STOML1: variants seen among roughly 807,000 people sequenced by gnomAD.
The protein encoded by STOML1 is stomatin like 1.
Under a neutral mutation model 35.7 loss-of-function variants are expected in STOML1, and 27 were observed. The ratio of observed to expected loss-of-function variants is 0.76; its 90% CI spans 0.56 to 1.04. STOML1 has a LOEUF of 1.04. Among genes scored for constraint, STOML1 ranks in the 50% least tolerant of loss-of-function variants. The probability of loss-of-function intolerance (pLI) is 0.00; values close to 1 mark genes in which losing one functional copy is unlikely to be tolerated. For missense variants in STOML1, 451 were observed against 527.1 expected (o/e 0.86, Z 1.41); for synonymous variants, 219 against 227.9 (o/e 0.96, Z 0.35).
In STOML1 at chr15:73,988,848, TG is replaced by T. The variant is rs766826484; in HGVS notation, c.391-47del. On this transcript the variant is annotated intron_variant, in intron 3 of 6. Transcript: ENST00000541638. The surrounding 1 kb of genome is among the most constrained non-coding windows in gnomAD (Gnocchi z 4.8). The stretch of plus-strand genomic sequence containing the variant: ...AGAGAGACACTCAAGGGGCTGGGGG[TG>T]CAGGGAGGTCAGGCCCACTGGGGCC... The T allele has an allele frequency of 1.1e-5, 18 of 1,586,088 alleles. No individual in the cohort carries two copies. In the Middle Eastern group the frequency reaches 5.2e-4, roughly 46 times the overall value.
Position 73,985,439 on chromosome 15 carries a change from G to A in STOML1, c.669C>T (p.Leu223=), listed in dbSNP as rs2069062075. 6 of 1,552,136 alleles carry A rather than the reference G, an allele frequency of 3.9e-6. No individual in the cohort carries two copies. The highest frequency in any genetic ancestry group is 2.5e-5 in the East Asian group (1 of 40,558). ...CAGCTGGGCTGTCCTGGGGCGGCTG[G>A]AGCACGGCCTCCACTGCCAGCTCCA... ...DRVELAVEAV[L]QPPQDSPAGP... Residue 223 remains leucine (L), a synonymous_variant, in exon 5 of 7, where the codon CTC becomes CTT. Transcript: ENST00000541638.
At chr15:73,992,426 C>T, upstream of STOML1, 2 of 465,142 alleles carry the variant, frequency 4.3e-6, no homozygotes, top group Non-Finnish European at 7.0e-6. Flanking sequence ...GACCGAACTG[C>T]AGCCCAGGGC....
At chr15:73,991,000 GATT>G in intron 1 of STOML1, 1 of 1,416,608 alleles carries the variant, frequency 7.1e-7, no homozygotes, top group South Asian at 1.6e-5. Flanking sequence ...TGAGGAATTA[GATT>G]ATTATTTTCT....
Position 73,980,434 on chromosome 15 carries a change from A to G in STOML1, c.*3503T>C, listed in dbSNP as rs2068948241. 6.6e-6 allele frequency: 1 copy of G among 152,246 alleles called. No homozygotes were observed. The highest frequency in any genetic ancestry group is 1.5e-5 in the Non-Finnish European group (1 of 68,044). 9.4% of individuals were successfully genotyped at this position (152,246 alleles called of 1,614,324 possible). A position where few individuals can be genotyped will look rare whatever the true frequency, so the allele number is the denominator to read the frequency against. ...AATTTATGATACATCCATACTGTGG[A>G]ATCCTATGTAAGTACAAGAAAGCAC... On this transcript the variant is annotated 3_prime_UTR_variant, in exon 7 of 7. Transcript: ENST00000541638.
chr15:73,988,864 C>G lies in STOML1; in HGVS notation c.391-62G>C. 6.4e-7 allele frequency: 1 copy of G among 1,565,510 alleles called. No individual in the cohort carries two copies. The highest frequency in any genetic ancestry group is 1.4e-5 in the African/African-American group (1 of 73,966). Reference sequence around the variant, plus strand: ...GGCTGGGGGTGCAGGGAGGTCAGGCCCACTGGGGCCACCCAGCTTGAACCA... The same window carrying G: ...GGCTGGGGGTGCAGGGAGGTCAGGCGCACTGGGGCCACCCAGCTTGAACCA... On this transcript the variant is annotated intron_variant, in intron 3 of 6. Coordinates refer to ENST00000541638, the MANE Select transcript of STOML1 (RefSeq NM_004809.5). This position sits in a 1 kb window ranked among gnomAD's most constrained non-coding sequence, Gnocchi z 4.8.
intron 1 of STOML1, 64 bp from the exon 2 acceptor site, chr15:73,990,521 G>C: frequency 6.8e-7 from 1 of 1,476,942 alleles, no homozygotes; most frequent in Non-Finnish European, 9.3e-7. Context: ...GAGTGAACTT[G>C]GGCAAGTGTA....
chr15:73,984,965 G>T, intron 5 of STOML1, 94 bp from the exon 6 acceptor site: 1 of 1,436,370 alleles, frequency 7.0e-7, no homozygotes, highest in Non-Finnish European at 9.6e-7. Context: ...TGCACCTTTT[G>T]TGGCAGTTTC....
rs2069062173 is a variant in STOML1, at chr15:73,985,440, A to G, written c.668T>C (p.Leu223Pro). The change falls in exon 5 of 7, where the codon CTC (leucine) becomes CCC (proline). Residue 223 changes from leucine to proline, a missense_variant. Coordinates refer to ENST00000541638, the MANE Select transcript of STOML1 (RefSeq NM_004809.5). ...DRVELAVEAV[L>P]QPPQDSPAGP... is the part of the protein sequence containing the mutation. ...AGCTGGGCTGTCCTGGGGCGGCTGG[A>G]GCACGGCCTCCACTGCCAGCTCCAC... 1.3e-6 allele frequency: 2 copies of G among 1,551,428 alleles called. No individual in the cohort carries two copies. Among genetic ancestry groups the G allele is most frequent in the African/African-American group, 2.8e-5 (2 of 71,174 alleles).
At chr15:73,992,450 C>A (rs888833469), upstream of STOML1, 3 of 390,216 alleles carry the variant, frequency 7.7e-6, no homozygotes, top group African/African-American at 4.2e-5. Flanking sequence ...TGGGTGTGAT[C>A]GGCGTTCCTC....
At position 73,984,840 on chromosome 15, in the gene STOML1, C is replaced by T; in HGVS notation, c.822G>A (p.Glu274=). 1 of 1,614,068 alleles carries T rather than the reference C, an allele frequency of 6.2e-7. No homozygotes were observed. The highest frequency in any genetic ancestry group is 1.7e-4 in the Middle Eastern group (1 of 6,058). ...TGGCACCAACTTGAGGGGCAGGTGGCTCAACTTCACTCACCATCTCCACGG... is the reference window on the plus strand; with the variant it reads ...TGGCACCAACTTGAGGGGCAGGTGGTTCAACTTCACTCACCATCTCCACGG... ...ADTVEMVSEV[E]PPAPQVGARS... Residue 274 remains glutamate (E), a synonymous_variant, in exon 6 of 7, where the codon GAG becomes GAA. Transcript: ENST00000541638.
rs1221346074 is a variant in STOML1 at position 73,979,199 on chromosome 15, G to A, written c.*4738C>T. 1.3e-5 allele frequency: 2 copies of A among 152,206 alleles called. No homozygotes were observed. Among genetic ancestry groups the A allele is most frequent in the African/African-American group, 2.4e-5 (1 of 41,446 alleles). 9.4% of individuals were successfully genotyped at this position (152,206 alleles called of 1,614,324 possible). ...ATCAGCGGTTATGGAAAGGTCAGTG[G>A]CTGCTCAAAGCTGGAGGTGGCAAGC... On this transcript the variant is annotated 3_prime_UTR_variant, in exon 7 of 7. Transcript: ENST00000541638.
rs774639434 is a variant in STOML1 at position 73,992,273 on chromosome 15, G to A, written c.-50C>T. The A allele has an allele frequency of 6.4e-6, 10 of 1,553,028 alleles. No homozygotes were observed. The highest frequency in any genetic ancestry group is 3.5e-5 in the South Asian group (3 of 84,950). On this transcript the variant is annotated 5_prime_UTR_variant, in exon 1 of 7. Transcript: ENST00000541638. ...GCGCCTCCGCGCGGCGCCCTCCCTGGCCAGTGGGCCCTACGCGGCCCCGCC... is the reference window on the plus strand; with the variant it reads ...GCGCCTCCGCGCGGCGCCCTCCCTGACCAGTGGGCCCTACGCGGCCCCGCC...
At chr15:73,994,522 G>T, upstream of STOML1, 1 of 511,652 alleles carries the variant, frequency 2.0e-6, no homozygotes, top group South Asian at 2.1e-5. Flanking sequence ...CTGCCCCCCT[G>T]CAGCTCTGCC....
At chr15:73,990,509 C>T (rs756708777) in intron 1 of STOML1, 52 bp from the exon 2 acceptor site, 22 of 1,533,868 alleles carry the variant, frequency 1.4e-5, no homozygotes, top group African/African-American at 5.5e-5. Flanking sequence ...AGCTGCCAAG[C>T]GGAGTGAACT....
chr15:73,992,060 C>T (rs1271717828), intron 1 of STOML1, 31 bp downstream of exon 1: 2 of 1,542,290 alleles, frequency 1.3e-6, no homozygotes, highest in African/African-American at 1.4e-5. Context: ...GCCGGTCCCC[C>T]CCGGCTCCGC....
chr15:73,981,410 A>G lies in STOML1; in HGVS notation c.*2527T>C, dbSNP rs2068958830. ...AAAATAACACATTATATATTAATAT[A>G]TTAACTAGGATACTTAAACTATTAT... On this transcript the variant is annotated 3_prime_UTR_variant, in exon 7 of 7. Transcript: ENST00000541638. 6.6e-6 allele frequency: 1 copy of G among 152,224 alleles called. No individual in the cohort carries two copies. The highest frequency in any genetic ancestry group is 1.5e-5 in the Non-Finnish European group (1 of 68,040). 9.4% of individuals were successfully genotyped at this position (152,224 alleles called of 1,614,324 possible). A position where few individuals can be genotyped will look rare whatever the true frequency, so the allele number is the denominator to read the frequency against.
At chr15:73,989,827 C>G (rs1358145241) in intron 2 of STOML1, among the ~76,000 whole-genome samples, 1 of 152,184 alleles carries the variant, frequency 6.6e-6, no homozygotes, top group Admixed American at 6.5e-5. Context: ...CCACACCAAA[C>G]CCAGAGGTTT....
chr15:73,992,907 G>A (rs1255438699), upstream of STOML1, among the ~76,000 whole-genome samples: 1 of 152,178 alleles, frequency 6.6e-6, no homozygotes, highest in African/African-American at 2.4e-5. Flanking sequence ...TGCCATATCT[G>A]GACTTTGGGT....
intron 1 of STOML1, among the ~76,000 whole-genome samples, chr15:73,991,217 A>G (rs1269724509): frequency 1.3e-5 from 2 of 152,232 alleles, no homozygotes; most frequent in Non-Finnish European, 2.9e-5. Context: ...AGGGCTAGAA[A>G]GATGAGGCTT....
Sources: gnomAD v4.1 joint callset for allele counts (sites outside exome capture counted in the v4.1 genomes callset) on GRCh38, gnomAD v4.1.1 for gene constraint, Gnocchi (gnomAD v3.1) non-coding constraint, MANE v1.5 for transcripts, NCBI Gene and HGNC (gene_info 2026-07-23, HGNC 2026-07-21) for gene names.